COA1: variants seen among roughly 807,000 people sequenced by gnomAD.
The protein encoded by COA1 is cytochrome c oxidase assembly factor 1.
In COA1, 13 loss-of-function variants were observed where a neutral mutation model predicts 16.0. The ratio of observed to expected loss-of-function variants is 0.81; its 90% confidence interval spans 0.53 to 1.29. COA1 has a LOEUF of 1.29. COA1 is among the 50% of genes most tolerant of loss of function. The probability of loss-of-function intolerance (pLI) is 0.00; values close to 1 mark genes in which losing one functional copy is unlikely to be tolerated. For missense variants in COA1, 179 were observed against 177.0 expected (o/e 1.01, Z -0.06); for synonymous variants, 65 against 65.7 (o/e 0.99, Z 0.05).
At chr7:43,661,602 A>T (rs528137312) in intron 1 of COA1, among the ~76,000 whole-genome samples, 1 of 149,662 alleles carries the variant, frequency 6.7e-6, no homozygotes. Context: ...GCGCCACCGC[A>T]CTCCAGCCTG....
At chr7:43,620,137 T>C (rs1023232258) in intron 6 of COA1, among the ~76,000 whole-genome samples, 4 of 152,146 alleles carry the variant, frequency 2.6e-5, no homozygotes, top group African/African-American at 9.7e-5. Flanking sequence ...GGGCATTTGG[T>C]TGGATCCATG....
In COA1 at chr7:43,618,455, G is replaced by A. The variant is rs941281148; in HGVS notation, c.*134-8960C>T. The stretch of plus-strand genomic sequence containing the variant: ...GAGCACAGATTGCCTTTGGAGCCGT[G>A]ACAGATTAATCTTGAAAAGGAAGCA... On this transcript the variant is annotated intron_variant and NMD_transcript_variant, in intron 6 of 6. Transcript: ENST00000415076. Among the ~76,000 whole-genome samples the A allele has an allele frequency of 2.0e-5, 3 of 152,128 alleles. No homozygotes were observed. In the South Asian group the frequency reaches 6.2e-4, roughly 31 times the overall value.
intron 1 of COA1, among the ~76,000 whole-genome samples, chr7:43,689,832 T>C (rs1031568802): frequency 1.3e-5 from 2 of 152,176 alleles, no homozygotes; most frequent in African/African-American, 4.8e-5. Context: ...ATTACTTAAA[T>C]GTAGACTATG....
intron 1 of COA1, among the ~76,000 whole-genome samples, chr7:43,657,795 C>A (rs565487594): frequency 1.3e-3 from 203 of 152,062 alleles, no homozygotes; most frequent in African/African-American, 4.7e-3. Context: ...ATGCAAAGAA[C>A]TTGTAAAATT....
At chr7:43,653,298 C>T (rs1026534812) in intron 1 of COA1, among the ~76,000 whole-genome samples, 11 of 150,388 alleles carry the variant, frequency 7.3e-5, no homozygotes, top group African/African-American at 1.9e-4. Flanking sequence ...GGCGACAAAG[C>T]GACACTCCGT....
At chr7:43,660,927 C>T (rs2092361604) in intron 1 of COA1, among the ~76,000 whole-genome samples, 1 of 152,210 alleles carries the variant, frequency 6.6e-6, no homozygotes, top group African/African-American at 2.4e-5. Flanking sequence ...ATTACACGGT[C>T]TTACTGCCCA....
rs111711508 is a variant in COA1, at chr7:43,678,790, A to T, written c.-38-30138T>A. ...ACACCCATTAGAATGGCAATTATTT[A>T]AAAAAAAATAGAAAATAACAAATGT... On this transcript the variant is annotated intron_variant, in intron 1 of 5. Transcript: ENST00000223336. Among the ~76,000 whole-genome samples, 516 of 151,568 alleles carry T rather than the reference A, an allele frequency of 3.4e-3. 6 individuals carry two copies. Among genetic ancestry groups the T allele is most frequent in the African/African-American group, 0.012 (482 of 41,336 alleles).
chr7:43,615,411 A>C (rs1285922911), intron 6 of COA1, among the ~76,000 whole-genome samples: 1 of 152,140 alleles, frequency 6.6e-6, no homozygotes, highest in African/African-American at 2.4e-5. Flanking sequence ...TCCTAAGCTC[A>C]AACAATCCAC....
At chr7:43,723,168 T>C (rs2095544885) in intron 1 of COA1, among the ~76,000 whole-genome samples, 1 of 152,186 alleles carries the variant, frequency 6.6e-6, no homozygotes, top group Admixed American at 6.5e-5. Context: ...GGGCTGCCCT[T>C]AAGCCATCCT....
chr7:43,654,184 C>G (rs1020358820), intron 1 of COA1, among the ~76,000 whole-genome samples: 1 of 152,144 alleles, frequency 6.6e-6, no homozygotes, highest in African/African-American at 2.4e-5. Context: ...GGGTTTGTAG[C>G]AATCAGGAAA....
intron 6 of COA1, among the ~76,000 whole-genome samples, chr7:43,617,941 A>C (rs2083493811): frequency 6.6e-6 from 1 of 152,222 alleles, no homozygotes; most frequent in Admixed American, 6.5e-5. Flanking sequence ...GATAACATAT[A>C]AACAAGGAAG....
chr7:43,623,990 A>G (rs1247824628), intron 6 of COA1: 16 of 800,122 alleles, frequency 2.0e-5, no homozygotes, highest in African/African-American at 1.1e-4. Flanking sequence ...CCAACCAAAA[A>G]TAGTTCAACT....
rs565405790 is a variant in COA1, at chr7:43,728,926, A to T, written c.-39+503T>A. Among the ~76,000 whole-genome samples the T allele has an allele frequency of 5.3e-5, 8 of 152,298 alleles. No homozygotes were observed. The East Asian group carries it at 1.5e-3, about 29-fold the overall frequency. On this transcript the variant is annotated intron_variant, in intron 1 of 5. Transcript: ENST00000223336. ...CACTGATATATACATAAATACATCCAATGTCCCCTACACAGAAAATCACTT... is the reference window on the plus strand; with the variant it reads ...CACTGATATATACATAAATACATCCTATGTCCCCTACACAGAAAATCACTT...
At chr7:43,673,721 T>G (rs931134777) in intron 1 of COA1, among the ~76,000 whole-genome samples, 1 of 152,150 alleles carries the variant, frequency 6.6e-6, no homozygotes, top group Non-Finnish European at 1.5e-5. Flanking sequence ...CTATTCACAA[T>G]AGCAAAGACA....
intron 1 of COA1, among the ~76,000 whole-genome samples, chr7:43,702,708 G>A (rs896193952): frequency 1.3e-5 from 2 of 152,066 alleles, no homozygotes; most frequent in Non-Finnish European, 2.9e-5. Context: ...TGGTGGTAAC[G>A]TCACCTTTGT....
intron 1 of COA1, among the ~76,000 whole-genome samples, chr7:43,683,887 G>A (rs1488814651): frequency 3.3e-5 from 5 of 152,088 alleles, no homozygotes; most frequent in Admixed American, 6.6e-5. Context: ...TTTATCATAC[G>A]CATGAATTCT....
chr7:43,611,615 C>G (rs1178450391), intron 6 of COA1, among the ~76,000 whole-genome samples: 1 of 152,096 alleles, frequency 6.6e-6, no homozygotes, highest in Non-Finnish European at 1.5e-5. Flanking sequence ...CCTTGCTTCC[C>G]TCGGGAACAT....
At chr7:43,696,481 T>C (rs2094530256) in intron 1 of COA1, among the ~76,000 whole-genome samples, 1 of 152,050 alleles carries the variant, frequency 6.6e-6, no homozygotes, top group Non-Finnish European at 1.5e-5. Flanking sequence ...TTGACTATCA[T>C]CAGGAAATGT....
chr7:43,624,236 C>T (rs2084243761), intron 6 of COA1, among the ~76,000 whole-genome samples: 2 of 152,116 alleles, frequency 1.3e-5, no homozygotes, highest in Admixed American at 1.3e-4. Flanking sequence ...AGTGAAATGA[C>T]AGCTAATCTC....
Sources: allele counts gnomAD v4.1 joint callset (sites outside exome capture counted in the v4.1 genomes callset), GRCh38; gene constraint gnomAD v4.1.1; transcripts MANE v1.5; gene names NCBI Gene and HGNC (gene_info 2026-07-23, HGNC 2026-07-21).